Variants in GLIS3 observed in about 807,000 individuals in gnomAD.
The protein encoded by GLIS3 is zinc finger protein GLIS3.
A neutral mutation model predicts 78.6 loss-of-function variants in GLIS3; 53 were observed. That is an observed-to-expected ratio of 0.67 (90% CI 0.54 to 0.85). GLIS3 has a LOEUF of 0.85. GLIS3 is among the 40% of genes least tolerant of loss of function. GLIS3 has a pLI of 0.00. For synonymous variants in GLIS3, 684 were observed against 509.9 expected, an observed-to-expected ratio of 1.34 and a Z score of -4.60; for missense variants, 1,703 against 1,231.1, an observed-to-expected ratio of 1.38 and a Z score of -5.74.
the GLIS3 span, among the ~76,000 whole-genome samples, chr9:4,482,619 C>T: frequency 6.6e-6 from 1 of 152,140 alleles, no homozygotes; most frequent in Non-Finnish European, 1.5e-5. Context: ...AACCAGGCAA[C>T]TATTTCTAGA....
Position 3,824,288 on chromosome 9 carries a change from A to C in GLIS3, c.*3984T>G, listed in dbSNP as rs945385560. The C allele has an allele frequency of 4.6e-5, 7 of 152,620 alleles. No homozygotes were observed. Among genetic ancestry groups the C allele is most frequent in the African/African-American group, 1.7e-4 (7 of 41,442 alleles). 9.5% of individuals were successfully genotyped at this position (152,620 alleles called of 1,614,324 possible). On this transcript the variant is annotated 3_prime_UTR_variant, in exon 11 of 11. Coordinates refer to ENST00000381971, the MANE Select transcript of GLIS3 (RefSeq NM_001042413.2). ...CAGGCTACAGCTCTGGCCCAAAGCA[A>C]TGCAGCATTTTAAAGCTGGACTTGA... is the stretch of plus-strand genomic sequence containing the variant.
At chr9:4,201,686 G>C (rs1819410861) in intron 2 of GLIS3, among the ~76,000 whole-genome samples, 1 of 152,136 alleles carries the variant, frequency 6.6e-6, no homozygotes, top group South Asian at 2.1e-4. Context: ...AAAAATCAGA[G>C]GTGACACAAA....
chr9:4,000,500 A>G (rs73388245), intron 4 of GLIS3, among the ~76,000 whole-genome samples: 3,410 of 152,274 alleles, frequency 0.022, 124 homozygotes, highest in African/African-American at 0.077. Context: ...TCTTACTTAA[A>G]AAATATATGT....
the GLIS3 span, among the ~76,000 whole-genome samples, chr9:4,436,241 A>G: frequency 2.0e-5 from 3 of 152,244 alleles, no homozygotes; most frequent in Non-Finnish European, 4.4e-5. Flanking sequence ...AATACATATT[A>G]TGGGATATTA....
chr9:4,217,469 T>G (rs1364256334), intron 2 of GLIS3, among the ~76,000 whole-genome samples: 1 of 152,178 alleles, frequency 6.6e-6, no homozygotes, highest in African/African-American at 2.4e-5. Context: ...AAGAGTGAAG[T>G]GCACTTATAT....
At chr9:4,399,933 C>G in the GLIS3 span, among the ~76,000 whole-genome samples, 3 of 152,132 alleles carry the variant, frequency 2.0e-5, no homozygotes, top group African/African-American at 7.2e-5. Flanking sequence ...ACTACGTGGT[C>G]TTTTCAATAC....
chr9:4,448,773 A>G, the GLIS3 span, among the ~76,000 whole-genome samples: 1 of 152,210 alleles, frequency 6.6e-6, no homozygotes, highest in Non-Finnish European at 1.5e-5. Context: ...GTAGCCTGGA[A>G]GGCTATGCTA....
chr9:4,262,024 A>G (rs1825579274), intron 2 of GLIS3, among the ~76,000 whole-genome samples: 1 of 152,190 alleles, frequency 6.6e-6, no homozygotes, highest in South Asian at 2.1e-4. Context: ...TGCTTAGAAC[A>G]TATTTTCATG....
intron 2 of GLIS3, among the ~76,000 whole-genome samples, chr9:4,183,754 T>A (rs1817533432): frequency 6.6e-6 from 1 of 152,238 alleles, no homozygotes; most frequent in Non-Finnish European, 1.5e-5. Context: ...GACAACTGAT[T>A]AAAGAGTTCT....
chr9:3,998,251 C>T (rs1017068827), intron 4 of GLIS3, among the ~76,000 whole-genome samples: 5 of 152,064 alleles, frequency 3.3e-5, no homozygotes, highest in Admixed American at 6.6e-5. Flanking sequence ...GGGTAGAAAA[C>T]GGTACTTAGA....
chr9:4,061,434 G>C (rs1356767187), intron 4 of GLIS3, among the ~76,000 whole-genome samples: 1 of 151,986 alleles, frequency 6.6e-6, no homozygotes, highest in Admixed American at 6.5e-5. Flanking sequence ...TGGTGTATAT[G>C]TGCCACATTT....
chr9:4,132,905 T>C (rs900488322), intron 2 of GLIS3, among the ~76,000 whole-genome samples: 5 of 152,334 alleles, frequency 3.3e-5, no homozygotes, highest in Admixed American at 2.6e-4. Flanking sequence ...TTAAGGTCTC[T>C]GTGCCTCAGC....
the GLIS3 span, among the ~76,000 whole-genome samples, chr9:4,437,416 GTATGTATCTATC>G: frequency 9.3e-6 from 1 of 107,050 alleles, no homozygotes; most frequent in Non-Finnish European, 2.2e-5. Flanking sequence ...ATGTATGTAT[GTATGTATCTATC>G]TATCTATCTA....
At chr9:3,870,115 GA>G (rs1820874457) in intron 8 of GLIS3, among the ~76,000 whole-genome samples, 1 of 152,202 alleles carries the variant, frequency 6.6e-6, no homozygotes, top group African/African-American at 2.4e-5. Flanking sequence ...CCATTGAGTT[GA>G]AAATCGTTGC....
chr9:3,932,289 A>C, intron 6 of GLIS3, 71 bp downstream of exon 6: 1 of 1,181,818 alleles, frequency 8.5e-7, no homozygotes, highest in Non-Finnish European at 1.3e-6. Flanking sequence ...AGTGCCCTGC[A>C]GAAGCTTCGT....
intron 4 of GLIS3, among the ~76,000 whole-genome samples, chr9:4,111,682 A>C (rs76627719): frequency 0.025 from 3,762 of 152,380 alleles, 80 homozygotes; most frequent in Middle Eastern, 0.051. Context: ...ACATGTGCTT[A>C]CACAGATACA....
chr9:4,472,823 T>A, the GLIS3 span, among the ~76,000 whole-genome samples: 1 of 152,254 alleles, frequency 6.6e-6, no homozygotes, highest in South Asian at 2.1e-4. Context: ...AAATCAGAAA[T>A]TATATATAAT....
the GLIS3 span, among the ~76,000 whole-genome samples, chr9:4,382,699 G>C: frequency 6.6e-6 from 1 of 152,126 alleles, no homozygotes; most frequent in African/African-American, 2.4e-5. Flanking sequence ...AGTGATGAGT[G>C]GGTACTATAG....
intron 8 of GLIS3, among the ~76,000 whole-genome samples, chr9:3,877,235 T>C (rs1050625545): frequency 6.6e-6 from 1 of 150,554 alleles, no homozygotes; most frequent in African/African-American, 2.4e-5. Context: ...CAGAAAACTA[T>C]ATAAAATGCA....
Sources: gnomAD v4.1 joint callset for allele counts (sites outside exome capture counted in the v4.1 genomes callset) on GRCh38, gnomAD v4.1.1 for gene constraint, MANE v1.5 for transcripts, NCBI Gene and HGNC (gene_info 2026-07-23, HGNC 2026-07-21) for gene names.